Variants in POMGNT1 observed in about 807,000 individuals in gnomAD.
POMGNT1 encodes protein O-linked-mannose beta-1,2-N-acetylglucosaminyltransferase 1.
POMGNT1 carries 67 observed loss-of-function variants against 95.6 expected under a neutral mutation model. That is an observed-to-expected ratio of 0.70 (90% CI 0.58 to 0.86). The LOEUF (loss-of-function observed/expected upper bound fraction) is 0.86, where lower values mean the gene tolerates loss of function less well. POMGNT1 is among the 40% of genes least tolerant of loss of function. The pLI, the probability that POMGNT1 is intolerant of heterozygous loss-of-function variation, is 0.00. For missense variants in POMGNT1, 719 were observed against 855.2 expected (o/e 0.84, Z 1.99); for synonymous variants, 298 against 317.9 (o/e 0.94, Z 0.66).
chr1:46,202,998 T>G (rs1176717421), upstream of POMGNT1, among the ~76,000 whole-genome samples: 3 of 146,182 alleles, frequency 2.1e-5, no homozygotes, highest in African/African-American at 7.5e-5. Flanking sequence ...CCAATTCCTC[T>G]GCTCCAGGAA....
chr1:46,190,357 G>T, intron 19 of POMGNT1, 116 bp downstream of exon 19: 2 of 1,373,900 alleles, frequency 1.5e-6, no homozygotes, highest in Non-Finnish European at 2.1e-6. Context: ...AGTTCCTAAT[G>T]TTTGAGATGA....
intron 1 of POMGNT1, among the ~76,000 whole-genome samples, chr1:46,209,624 A>G (rs1331251817): frequency 6.8e-6 from 1 of 146,440 alleles, no homozygotes; most frequent in African/African-American, 2.5e-5. Context: ...AGCTCACTGC[A>G]GCCTCAGCCT....
upstream of POMGNT1, among the ~76,000 whole-genome samples, chr1:46,202,920 G>GTGGTGTGTGTGTGTGTGTGTGTGTGTGT (rs540959987): frequency 1.4e-4 from 9 of 64,514 alleles, no homozygotes; most frequent in African/African-American, 6.0e-4. Context: ...GGGGGGGGGT[G>GTGGTGTGTGTGTGTGTGTGTGTGTGTGT]GTGTGTGTGT....
In POMGNT1 at chr1:46,189,318, C is replaced by T. The variant is rs2148161838; in HGVS notation, c.1935G>A (p.Glu645=). ...KPPSVTPIFL[E]PPPKEEGAPG... is the part of the protein sequence containing the mutation. Reference sequence around the variant, plus strand: ...GGGCTCCCTCCTCCTTTGGGGGTGGCTCCAGGAAAATTGGGGTGACTGAGG... The same window carrying T: ...GGGCTCCCTCCTCCTTTGGGGGTGGTTCCAGGAAAATTGGGGTGACTGAGG... Residue 645 remains glutamate, a synonymous_variant, in exon 22 of 22, where the codon GAG becomes GAA. Transcript: ENST00000371984. 2 of 1,613,848 alleles carry T rather than the reference C, an allele frequency of 1.2e-6. No individual in the cohort carries two copies. The highest frequency in any genetic ancestry group is 1.7e-6 in the Non-Finnish European group (2 of 1,180,004).
At chr1:46,198,718 T>A (rs143768723), upstream of POMGNT1, among the ~76,000 whole-genome samples, 2 of 152,172 alleles carry the variant, frequency 1.3e-5, no homozygotes, top group African/African-American at 4.8e-5. Flanking sequence ...TTGGACCAGA[T>A]CACAGGGCAC....
In POMGNT1 at chr1:46,190,005, G is replaced by A; in HGVS notation, c.1650-16C>T. The A allele has an allele frequency of 2.5e-6, 4 of 1,613,414 alleles. No homozygotes were observed. In the South Asian group the frequency reaches 4.4e-5, roughly 18 times the overall value. On this transcript the variant is annotated splice_polypyrimidine_tract_variant and intron_variant, in intron 19 of 21. Coordinates refer to ENST00000371984, the MANE Select transcript of POMGNT1 (RefSeq NM_017739.4). ...CTCAGCCTCACTGCAGTAGAGGGTG[G>A]GAGAATATAGCCAAGACAGGGCCCA...
In POMGNT1 at chr1:46,203,621, G is replaced by A. The variant is rs772894417; in HGVS notation, c.-50-5750C>T. On this transcript the variant is annotated intron_variant, in intron 1 of 22. Coordinates refer to the POMGNT1 transcript ENST00000371992. The stretch of plus-strand genomic sequence containing the variant: ...ACAAGATCATGGCGCTGAAGATGGA[G>A]CTGGTGAGTGCTGAATCCATGGGCC... The A allele has an allele frequency of 5.6e-6, 9 of 1,601,420 alleles. 1 individual carries two copies. In the South Asian group the frequency reaches 8.9e-5, roughly 16 times the overall value.
intron 6 of POMGNT1, 34 bp from the exon 7 acceptor site, chr1:46,194,995 G>C (rs761915739): frequency 1.2e-6 from 2 of 1,604,036 alleles, no homozygotes; most frequent in Non-Finnish European, 1.7e-6. Flanking sequence ...AGCCTGACTG[G>C]CATGGTTCCA....
chr1:46,193,138 C>G (rs573421657), intron 13 of POMGNT1, 36 bp downstream of exon 13: 17 of 1,613,812 alleles, frequency 1.1e-5, no homozygotes, highest in East Asian at 6.7e-5. Flanking sequence ...ATGTTTCCCC[C>G]CTCCCAGGCC....
intron 1 of POMGNT1, among the ~76,000 whole-genome samples, chr1:46,211,615 G>A (rs1200475583): frequency 6.6e-6 from 1 of 152,092 alleles, no homozygotes; most frequent in Non-Finnish European, 1.5e-5. Context: ...GATGTCTCAT[G>A]ACAAACCTTT....
chr1:46,208,570 C>T (rs1289772479), intron 1 of POMGNT1, among the ~76,000 whole-genome samples: 3 of 152,078 alleles, frequency 2.0e-5, no homozygotes, highest in South Asian at 2.1e-4. Flanking sequence ...AGGGCCGGCA[C>T]GGTGGCTCAT....
chr1:46,202,629 G>A (rs1658565911), upstream of POMGNT1, among the ~76,000 whole-genome samples: 1 of 141,216 alleles, frequency 7.1e-6, no homozygotes, highest in South Asian at 2.3e-4. Context: ...CAGGGAGGCA[G>A]AGGTTTGTAG....
In POMGNT1 at chr1:46,197,747, C is replaced by A. The variant is rs1264635358; in HGVS notation, c.75G>T (p.Trp25Cys). Residue 25 changes from tryptophan (W) to cysteine (C), a missense_variant, in exon 2 of 22, where the codon TGG becomes TGT. Around this residue, in one of 5 missense-constraint regions of POMGNT1, gnomAD observed 466 missense variants for 517.4 expected, o/e 0.90. Coordinates refer to ENST00000371984, the MANE Select transcript of POMGNT1 (RefSeq NM_017739.4). Reference protein sequence around the residue: ...ARKKRSWYLTWKYKLTNQRAL... With the variant: ...ARKKRSWYLTCKYKLTNQRAL... ...CCCGCTGGTTTGTCAGTTTATACTT[C>A]CAGGTAAGGTACCAGCTCCGCTTCT... is the stretch of plus-strand genomic sequence containing the variant. 6.2e-7 allele frequency: 1 copy of A among 1,614,128 alleles called. No individual in the cohort carries two copies. Among genetic ancestry groups the A allele is most frequent in the Admixed American group, 1.7e-5 (1 of 60,018 alleles).
At position 46,189,009 on chromosome 1, in the gene POMGNT1, G is replaced by A; in HGVS notation, c.*261C>T. 2 of 1,595,794 alleles carry A rather than the reference G, an allele frequency of 1.3e-6. No homozygotes were observed. Among genetic ancestry groups the A allele is most frequent in the Non-Finnish European group, 1.7e-6 (2 of 1,170,666 alleles). On this transcript the variant is annotated 3_prime_UTR_variant, in exon 22 of 22. Transcript: ENST00000371984. ...GAAAGTGAGGGTATTCAAAGGGCAG[G>A]ATGAGCTGCTAGGGATCGTAATGAT...
chr1:46,194,433 T>C lies in POMGNT1; in HGVS notation c.752-32A>G, dbSNP rs772577326. 15 of 1,614,114 alleles carry C rather than the reference T, an allele frequency of 9.3e-6. No individual in the cohort carries two copies. The South Asian group carries it at 1.4e-4, about 15-fold the overall frequency. The stretch of plus-strand genomic sequence containing the variant: ...GAAGGATGCGGTTGTCATGGAGGCA[T>C]GGGGCCAGCAAGGTTTGAAGAGCCC... On this transcript the variant is annotated intron_variant, in intron 8 of 21. Transcript: ENST00000371984.
At position 46,197,984 on chromosome 1, in the gene POMGNT1, T is replaced by C. The variant is rs1483632199; in HGVS notation, c.-50-113A>G. 5 of 1,056,194 alleles carry C rather than the reference T, an allele frequency of 4.7e-6. No homozygotes were observed. The East Asian group carries it at 1.3e-4, about 27-fold the overall frequency. The allele number at this position is 1,056,194 out of a possible 1,614,324, so 65.4% of individuals were successfully genotyped here. ...CTCTTCCCTGCAAGCACCCATACTGTGTGACATGGGGAAAGTGGCTCAACT... is the reference window on the plus strand; with the variant it reads ...CTCTTCCCTGCAAGCACCCATACTGCGTGACATGGGGAAAGTGGCTCAACT... On this transcript the variant is annotated intron_variant, in intron 1 of 21. Coordinates refer to ENST00000371984, the MANE Select transcript of POMGNT1 (RefSeq NM_017739.4).
intron 1 of POMGNT1, among the ~76,000 whole-genome samples, chr1:46,212,402 T>C (rs1305346445): frequency 6.6e-6 from 1 of 151,282 alleles, no homozygotes; most frequent in Non-Finnish European, 1.5e-5. Context: ...TGCCTCAGCC[T>C]CCCCAGCAGC....
chr1:46,211,028 C>T (rs1035752118), intron 1 of POMGNT1, among the ~76,000 whole-genome samples: 1 of 151,674 alleles, frequency 6.6e-6, no homozygotes, highest in African/African-American at 2.4e-5. Context: ...GATCCTCCCA[C>T]CTCAGTCCCC....
At chr1:46,202,314 C>T (rs961489547), upstream of POMGNT1, among the ~76,000 whole-genome samples, 1 of 151,998 alleles carries the variant, frequency 6.6e-6, no homozygotes, top group African/African-American at 2.4e-5. Context: ...GAACCATTTT[C>T]TGTAACCTTG....
Sources: allele counts gnomAD v4.1 joint callset (sites outside exome capture counted in the v4.1 genomes callset), GRCh38; gene constraint gnomAD v4.1.1; regional missense constraint gnomAD v4.1.1; transcripts MANE v1.5; gene names NCBI Gene and HGNC (gene_info 2026-07-23, HGNC 2026-07-21).